Variants in SGCD observed in about 807,000 individuals in gnomAD.
The protein encoded by SGCD is sarcoglycan delta, also known as delta-sarcoglycan.
A neutral mutation model predicts 36.6 loss-of-function variants in SGCD; 18 were observed. The ratio of observed to expected loss-of-function variants is 0.49; its 90% CI spans 0.34 to 0.73. The LOEUF is 0.73. Among genes scored for constraint, SGCD ranks in the 30% least tolerant of loss-of-function variants. The probability of loss-of-function intolerance (pLI) is 0.01; values close to 1 mark genes in which losing one functional copy is unlikely to be tolerated. For synonymous variants in SGCD, 133 were observed against 130.6 expected (o/e 1.02, Z -0.12); for missense variants, 387 against 346.7 (o/e 1.12, Z -0.92).
the SGCD span, among the ~76,000 whole-genome samples, chr5:155,850,375 A>T: frequency 1.3e-5 from 2 of 152,014 alleles, no homozygotes; most frequent in African/African-American, 2.4e-5. Flanking sequence ...AAACAGGGGA[A>T]TTTTTTTGCA....
At position 156,589,336 on chromosome 5, in the gene SGCD, T is replaced by C; in HGVS notation, c.382+18T>C. Reference sequence around the variant, plus strand: ...TATAACAGGTAAGAAAAGGGAGAACTTAACAGTGCCTAGCCCATGCGAGGC... The same window carrying C: ...TATAACAGGTAAGAAAAGGGAGAACCTAACAGTGCCTAGCCCATGCGAGGC... On this transcript the variant is annotated intron_variant, in intron 5 of 8. Transcript: ENST00000337851. The C allele has an allele frequency of 6.9e-7, 1 of 1,439,316 alleles. No homozygotes were observed. The highest frequency in any genetic ancestry group is 9.6e-7 in the Non-Finnish European group (1 of 1,040,944). The allele number at this position is 1,439,316 out of a possible 1,614,324, so 89.2% of individuals were successfully genotyped here.
intron 3 of SGCD, among the ~76,000 whole-genome samples, chr5:156,362,973 T>C (rs913298224): frequency 6.6e-6 from 1 of 152,198 alleles, no homozygotes; most frequent in Non-Finnish European, 1.5e-5. Flanking sequence ...CTATAATTTC[T>C]GTCTTTGCAG....
chr5:156,182,435 C>A (rs534188561), intron 3 of SGCD, among the ~76,000 whole-genome samples: 1 of 151,962 alleles, frequency 6.6e-6, no homozygotes, highest in South Asian at 2.1e-4. Flanking sequence ...TACAAAAAAT[C>A]CAAAAATTAT....
chr5:156,509,842 G>C (rs907803837), intron 4 of SGCD, among the ~76,000 whole-genome samples: 1 of 152,074 alleles, frequency 6.6e-6, no homozygotes, highest in Non-Finnish European at 1.5e-5. Flanking sequence ...CATTTATTTA[G>C]TCTTTATTTT....
chr5:156,608,623 T>C (rs550136302), intron 6 of SGCD, among the ~76,000 whole-genome samples: 139 of 152,328 alleles, frequency 9.1e-4, no homozygotes, highest in Middle Eastern at 3.4e-3. Flanking sequence ...CTCATTGATC[T>C]GTCTAATGTT....
intron 4 of SGCD, among the ~76,000 whole-genome samples, chr5:156,509,062 C>G (rs540004750): frequency 3.9e-5 from 6 of 152,276 alleles, no homozygotes; most frequent in Admixed American, 3.9e-4. Flanking sequence ...TTTAGAAACA[C>G]AGAACTGAAG....
At chr5:156,635,578 A>G (rs887838357) in intron 6 of SGCD, among the ~76,000 whole-genome samples, 2 of 152,164 alleles carry the variant, frequency 1.3e-5, no homozygotes, top group African/African-American at 2.4e-5. Context: ...GTAAAGACAC[A>G]TGCACACGTA....
At chr5:156,299,445 A>AT (rs929846357) in intron 3 of SGCD, among the ~76,000 whole-genome samples, 9 of 151,282 alleles carry the variant, frequency 5.9e-5, no homozygotes, top group South Asian at 2.1e-4. Flanking sequence ...AAATTTTAAG[A>AT]TTTTTTTTTC....
chr5:156,697,636 ACT>A (rs1754370436), intron 7 of SGCD, among the ~76,000 whole-genome samples: 1 of 152,048 alleles, frequency 6.6e-6, no homozygotes, highest in South Asian at 2.1e-4. Context: ...CCTGTTTCAC[ACT>A]CTATCATAAT....
At chr5:156,282,083 A>G (rs1393814477) in intron 3 of SGCD, among the ~76,000 whole-genome samples, 1 of 152,114 alleles carries the variant, frequency 6.6e-6, no homozygotes, top group Non-Finnish European at 1.5e-5. Context: ...CTGAAATGTT[A>G]AGTCTTGTTA....
intron 6 of SGCD, among the ~76,000 whole-genome samples, chr5:156,629,852 T>C (rs1762565338): frequency 6.7e-6 from 1 of 150,308 alleles, no homozygotes; most frequent in Non-Finnish European, 1.5e-5. Context: ...TTTGAGACTT[T>C]TTCTTTTTTT....
chr5:156,279,879 C>T (rs7721069), intron 3 of SGCD, among the ~76,000 whole-genome samples: 1 of 152,014 alleles, frequency 6.6e-6, no homozygotes. Context: ...AACACCAAGT[C>T]ATGATGGGTA....
At chr5:156,453,455 T>A (rs1436018210) in intron 3 of SGCD, among the ~76,000 whole-genome samples, 1 of 152,174 alleles carries the variant, frequency 6.6e-6, no homozygotes, top group Non-Finnish European at 1.5e-5. Context: ...TAAACATGAA[T>A]GTTCATAGTA....
At chr5:155,996,292 C>T (rs1391513545) in intron 1 of SGCD, among the ~76,000 whole-genome samples, 1 of 152,080 alleles carries the variant, frequency 6.6e-6, no homozygotes, top group Non-Finnish European at 1.5e-5. Flanking sequence ...CCTTCACCCT[C>T]ACCCAGGCCC....
chr5:156,459,222 A>C (rs1581024862), intron 3 of SGCD, among the ~76,000 whole-genome samples: 1 of 152,120 alleles, frequency 6.6e-6, no homozygotes, highest in South Asian at 2.1e-4. Context: ...TGTGGCTTAC[A>C]CTATTCTGAG....
At chr5:156,457,551 A>G (rs74978583) in intron 3 of SGCD, among the ~76,000 whole-genome samples, 2,875 of 152,260 alleles carry the variant, frequency 0.019, 72 homozygotes, top group African/African-American at 0.066. Context: ...AATTTATACT[A>G]TTGTTTTGGC....
chr5:156,032,706 C>CAAAAAAAAAAAAAAAAA lies in SGCD; in HGVS notation c.-281-85158_-281-85142dup, dbSNP rs1171072619. Among the ~76,000 whole-genome samples, 9 of 15,068 alleles carry CAAAAAAAAAAAAAAAAA rather than the reference C, an allele frequency of 6.0e-4. 1 individual carries two copies. The highest frequency in any genetic ancestry group is 1.3e-3 in the African/African-American group (9 of 6,708). 9.9% of individuals were successfully genotyped at this position (15,068 alleles called of 152,430 possible). A position where few individuals can be genotyped will look rare whatever the true frequency, so the allele number is the denominator to read the frequency against. On this transcript the variant is annotated intron_variant, in intron 1 of 9. Coordinates refer to the SGCD transcript ENST00000517913. ...TGGGCGACAGAGCAAGACTCCGTCT[C>CAAAAAAAAAAAAAAAAA]AAAAAAAAAAAAAAAAAAAAAAAAA...
chr5:156,714,034 G>T (rs1396282903), intron 7 of SGCD, among the ~76,000 whole-genome samples: 1 of 152,154 alleles, frequency 6.6e-6, no homozygotes. Flanking sequence ...TTATAAGCTT[G>T]GGATTCATAT....
chr5:156,594,894 C>G (rs1436108195), intron 5 of SGCD, 38 bp from the exon 6 acceptor site: 3 of 1,379,048 alleles, frequency 2.2e-6, no homozygotes, highest in African/African-American at 2.8e-5. Flanking sequence ...TCTCTCTCCT[C>G]TCTCCTCTCT....
Sources: allele counts gnomAD v4.1 joint callset (sites outside exome capture counted in the v4.1 genomes callset), GRCh38; gene constraint gnomAD v4.1.1; transcripts MANE v1.5; gene names NCBI Gene and HGNC (gene_info 2026-07-23, HGNC 2026-07-21).